The following NOS1AP variants were observed in gnomAD, a reference collection of about 807,000 sequenced individuals.
NOS1AP encodes nitric oxide synthase 1 adaptor protein.
In NOS1AP, 21 loss-of-function variants were observed where a neutral mutation model predicts 56.2. The ratio of observed to expected loss-of-function variants is 0.37; its 90% CI spans 0.26 to 0.54. NOS1AP has a LOEUF of 0.54. Among genes scored for constraint, NOS1AP ranks in the 20% least tolerant of loss-of-function variants. The probability of loss-of-function intolerance (pLI) is 0.84; values close to 1 mark genes in which losing one functional copy is unlikely to be tolerated. For synonymous variants in NOS1AP, 270 were observed against 274.6 expected, an observed-to-expected ratio of 0.98 and a Z score of 0.17; for missense variants, 522 against 657.8, an observed-to-expected ratio of 0.79 and a Z score of 2.26.
At chr1:162,086,941 A>G (rs1692015860) in intron 1 of NOS1AP, among the ~76,000 whole-genome samples, 1 of 152,186 alleles carries the variant, frequency 6.6e-6, no homozygotes, top group South Asian at 2.1e-4. Flanking sequence ...GGGTTAGCTC[A>G]GCAAATACTA....
At chr1:162,088,339 A>T (rs1367707949) in intron 1 of NOS1AP, among the ~76,000 whole-genome samples, 1 of 152,160 alleles carries the variant, frequency 6.6e-6, no homozygotes, top group Non-Finnish European at 1.5e-5. Flanking sequence ...ATGGATACCC[A>T]CTGCCCCTAG....
intron 6 of NOS1AP, among the ~76,000 whole-genome samples, chr1:162,350,677 C>T (rs1657462562): frequency 6.6e-6 from 1 of 152,180 alleles, no homozygotes; most frequent in African/African-American, 2.4e-5. Context: ...GTGAGAAAAG[C>T]ACCTAACATC....
chr1:162,085,873 T>G (rs1489520287), intron 1 of NOS1AP, among the ~76,000 whole-genome samples: 2 of 152,178 alleles, frequency 1.3e-5, no homozygotes, highest in Non-Finnish European at 2.9e-5. Flanking sequence ...TTTTATAAAC[T>G]TTCTGATTTA....
At chr1:162,092,071 T>C (rs1297895109) in intron 1 of NOS1AP, among the ~76,000 whole-genome samples, 2 of 152,162 alleles carry the variant, frequency 1.3e-5, no homozygotes, top group African/African-American at 2.4e-5. Flanking sequence ...AGTTCAAGGC[T>C]GTGGATCCAA....
At chr1:162,142,737 G>A (rs1390277024) in intron 1 of NOS1AP, among the ~76,000 whole-genome samples, 2 of 152,176 alleles carry the variant, frequency 1.3e-5, no homozygotes, top group Non-Finnish European at 2.9e-5. Flanking sequence ...CTCAAAAGGT[G>A]TAGTATTAAT....
chr1:162,309,856 A>G (rs748821719), intron 4 of NOS1AP, among the ~76,000 whole-genome samples: 31 of 152,224 alleles, frequency 2.0e-4, no homozygotes, highest in Non-Finnish European at 3.7e-4. Context: ...TTTTTAAAGT[A>G]TGTGTAATTT....
chr1:162,092,334 AGAG>A (rs1692153581), intron 1 of NOS1AP, among the ~76,000 whole-genome samples: 1 of 152,230 alleles, frequency 6.6e-6, no homozygotes, highest in South Asian at 2.1e-4. Flanking sequence ...GGGAGAGAAC[AGAG>A]GAGGATTTCA....
At chr1:162,075,916 C>T (rs968852182) in intron 1 of NOS1AP, among the ~76,000 whole-genome samples, 6 of 152,174 alleles carry the variant, frequency 3.9e-5, no homozygotes, top group African/African-American at 1.4e-4. Flanking sequence ...ATGGACAAAT[C>T]TATTTCCACG....
intron 8 of NOS1AP, chr1:162,364,205 T>G: frequency 1.0e-6 from 1 of 985,496 alleles, no homozygotes; most frequent in Non-Finnish European, 1.2e-6. Flanking sequence ...TCCCCATCCA[T>G]CTTCCTGCAT....
chr1:162,368,987 C>T lies in NOS1AP; in HGVS notation c.*1520C>T, dbSNP rs1647274990. 6.6e-6 allele frequency: 1 copy of T among 152,116 alleles called. No individual in the cohort carries two copies. The highest frequency in any genetic ancestry group is 1.5e-5 in the Non-Finnish European group (1 of 68,026). 9.4% of individuals were successfully genotyped at this position (152,116 alleles called of 1,614,324 possible). A position where few individuals can be genotyped will look rare whatever the true frequency, so the allele number is the denominator to read the frequency against. ...TTGGTTTTCTTGTAGCCCAGAAAGT[C>T]CAAATTAAAGGAAATAAATTCAGTT... On this transcript the variant is annotated 3_prime_UTR_variant, in exon 10 of 10. Coordinates refer to ENST00000361897, the MANE Select transcript of NOS1AP (RefSeq NM_014697.3).
intron 4 of NOS1AP, among the ~76,000 whole-genome samples, chr1:162,328,217 C>A (rs12750177): frequency 6.6e-6 from 1 of 152,000 alleles, no homozygotes; most frequent in African/African-American, 2.4e-5. Context: ...GCAGAGGAGT[C>A]GGAGAGTGGG....
chr1:162,247,276 G>A (rs899868715), intron 2 of NOS1AP, among the ~76,000 whole-genome samples: 1 of 152,126 alleles, frequency 6.6e-6, no homozygotes, highest in Admixed American at 6.6e-5. Flanking sequence ...CAGGAAAGAT[G>A]CTCTGATCTA....
At chr1:162,070,387 C>A in intron 1 of NOS1AP, 105 bp downstream of exon 1, 1 of 911,982 alleles carries the variant, frequency 1.1e-6, no homozygotes, top group Non-Finnish European at 1.8e-6. Context: ...GCGGGCTAGG[C>A]CGATTTGGGG....
At chr1:162,269,037 G>A (rs533946829) in intron 2 of NOS1AP, among the ~76,000 whole-genome samples, 13 of 152,282 alleles carry the variant, frequency 8.5e-5, no homozygotes, top group Non-Finnish European at 1.9e-4. Context: ...GAAAATGAAA[G>A]GAGCCACTAG....
chr1:162,257,714 C>G (rs1654080007), intron 2 of NOS1AP, among the ~76,000 whole-genome samples: 1 of 151,780 alleles, frequency 6.6e-6, no homozygotes, highest in African/African-American at 2.4e-5. Context: ...CTGTCAAAGG[C>G]ACTGTCATCA....
At chr1:162,326,375 G>A (rs79076222) in intron 4 of NOS1AP, among the ~76,000 whole-genome samples, 6,946 of 152,238 alleles carry the variant, frequency 0.046, 449 homozygotes, top group African/African-American at 0.14. Context: ...GGGCATTAGA[G>A]GTAGAATGCT....
chr1:162,164,903 A>T (rs1650411010), intron 2 of NOS1AP, among the ~76,000 whole-genome samples: 1 of 152,168 alleles, frequency 6.6e-6, no homozygotes, highest in Admixed American at 6.5e-5. Context: ...CTGATTTCTC[A>T]CTTACGAAGC....
At chr1:162,356,408 G>T (rs1463545130) in intron 7 of NOS1AP, among the ~76,000 whole-genome samples, 1 of 152,160 alleles carries the variant, frequency 6.6e-6, no homozygotes, top group Admixed American at 6.5e-5. Context: ...TTTGCCGATG[G>T]TTCTCACCAG....
chr1:162,108,073 A>G (rs1647580391), intron 1 of NOS1AP, among the ~76,000 whole-genome samples: 1 of 152,232 alleles, frequency 6.6e-6, no homozygotes, highest in African/African-American at 2.4e-5. Flanking sequence ...GAGAAGGGCC[A>G]GAAACTATGG....
Sources: gnomAD v4.1 joint callset for allele counts (sites outside exome capture counted in the v4.1 genomes callset) on GRCh38, gnomAD v4.1.1 for gene constraint, MANE v1.5 for transcripts, NCBI Gene and HGNC (gene_info 2026-07-23, HGNC 2026-07-21) for gene names.